The following DLG2 variants were observed in gnomAD, a reference collection of about 807,000 sequenced individuals.
DLG2 encodes the protein disks large homolog 2.
DLG2 carries 45 observed loss-of-function variants against 132.5 expected under a neutral mutation model. The observed-to-expected ratio is 0.34, with a 90% CI of 0.27 to 0.44. The LOEUF (loss-of-function observed/expected upper bound fraction) is 0.44, where lower values mean the gene tolerates loss of function less well. DLG2 is among the 20% of genes least tolerant of loss of function. DLG2 has a pLI of 1.00. For missense variants in DLG2, 1,045 were observed against 1,196.9 expected, an observed-to-expected ratio of 0.87 and a Z score of 1.87; for synonymous variants, 424 against 419.6, an observed-to-expected ratio of 1.01 and a Z score of -0.13.
chr11:85,435,212 C>T (rs1212824474), intron 3 of DLG2, among the ~76,000 whole-genome samples: 1 of 152,138 alleles, frequency 6.6e-6, no homozygotes, highest in Non-Finnish European at 1.5e-5. Flanking sequence ...CAATATCATA[C>T]TGAATGGGCA....
At chr11:85,433,792 T>C (rs2091325479) in intron 3 of DLG2, among the ~76,000 whole-genome samples, 1 of 152,180 alleles carries the variant, frequency 6.6e-6, no homozygotes, top group Non-Finnish European at 1.5e-5. Flanking sequence ...GTTCAGGACT[T>C]GAACTCAGCT....
chr11:84,728,575 G>C (rs373797296), intron 6 of DLG2, among the ~76,000 whole-genome samples: 3 of 152,144 alleles, frequency 2.0e-5, no homozygotes, highest in Non-Finnish European at 2.9e-5. Flanking sequence ...TCTCTGCCAG[G>C]TGTTGGTATC....
chr11:85,547,728 T>C (rs560357175), intron 3 of DLG2, among the ~76,000 whole-genome samples: 4 of 152,238 alleles, frequency 2.6e-5, no homozygotes, highest in Admixed American at 2.6e-4. Flanking sequence ...CTTTATTTCA[T>C]TGAGTTGATC....
At chr11:85,590,560 G>A (rs1184471169) in intron 3 of DLG2, among the ~76,000 whole-genome samples, 1 of 151,538 alleles carries the variant, frequency 6.6e-6, no homozygotes, top group Non-Finnish European at 1.5e-5. Context: ...AATTTTTTTA[G>A]ATATTACTAC....
At chr11:83,560,306 T>C (rs1169785420) in intron 19 of DLG2, among the ~76,000 whole-genome samples, 2 of 151,916 alleles carry the variant, frequency 1.3e-5, no homozygotes, top group South Asian at 4.2e-4. Context: ...TTAGTAGAGA[T>C]GGGGTTTCAC....
chr11:83,480,782 A>G lies in DLG2; in HGVS notation c.2293+3347T>C, dbSNP rs191659234. ...CTTGACTGAGTGTTTTCTTGACTAT[A>G]AATTCAGACGCTTCTGGTGTGTAGG... On this transcript the variant is annotated intron_variant, in intron 22 of 27. Transcript: ENST00000376104. The G allele has an allele frequency of 6.4e-5, 41 of 638,466 alleles. No homozygotes were observed. In the East Asian group the frequency reaches 1.1e-3, roughly 17 times the overall value. The allele number at this position is 638,466 out of a possible 1,614,324, so 39.6% of individuals were successfully genotyped here. A position where few individuals can be genotyped will look rare whatever the true frequency, so the allele number is the denominator to read the frequency against.
At chr11:83,912,060 C>G (rs2076161252) in intron 15 of DLG2, among the ~76,000 whole-genome samples, 1 of 151,854 alleles carries the variant, frequency 6.6e-6, no homozygotes, top group South Asian at 2.1e-4. Context: ...CACTTATATA[C>G]TCTCACTTGC....
At chr11:84,244,688 A>C (rs908249805) in intron 8 of DLG2, among the ~76,000 whole-genome samples, 1 of 152,260 alleles carries the variant, frequency 6.6e-6, no homozygotes, top group African/African-American at 2.4e-5. Context: ...TTGGAACTGC[A>C]TTCCCAATAG....
chr11:85,473,468 A>G (rs113062376), intron 3 of DLG2, among the ~76,000 whole-genome samples: 4 of 152,264 alleles, frequency 2.6e-5, no homozygotes, highest in Admixed American at 6.5e-5. Flanking sequence ...TATGTTTAAA[A>G]GAACTATATT....
chr11:84,194,179 C>CT (rs2096468072), intron 8 of DLG2, among the ~76,000 whole-genome samples: 1 of 152,190 alleles, frequency 6.6e-6, no homozygotes, highest in East Asian at 1.9e-4. Flanking sequence ...TATCCTTTCT[C>CT]TTTTCCCTTC....
At chr11:85,401,956 C>T (rs1286991876) in intron 3 of DLG2, among the ~76,000 whole-genome samples, 2 of 148,784 alleles carry the variant, frequency 1.3e-5, no homozygotes, top group Non-Finnish European at 3.0e-5. Context: ...CATCAAGCTA[C>T]CACTGACTTT....
intron 23 of DLG2, among the ~76,000 whole-genome samples, chr11:83,471,979 T>TGGA (rs59286667): frequency 0.23 from 34,199 of 151,970 alleles, 4,418 homozygotes; most frequent in East Asian, 0.3. Context: ...AAGAAACATT[T>TGGA]GGAGGAGTTT....
chr11:85,310,288 C>A (rs988377950), intron 3 of DLG2, among the ~76,000 whole-genome samples: 4 of 152,046 alleles, frequency 2.6e-5, no homozygotes, highest in Non-Finnish European at 5.9e-5. Context: ...CCTGGGTGGA[C>A]AAAATATTGG....
chr11:84,294,736 T>G (rs961329813), intron 7 of DLG2, among the ~76,000 whole-genome samples: 7 of 152,212 alleles, frequency 4.6e-5, no homozygotes, highest in Non-Finnish European at 8.8e-5. Flanking sequence ...GTTAGGTAGG[T>G]CACCAATCTG....
At chr11:85,468,976 A>T (rs1050588922) in intron 3 of DLG2, among the ~76,000 whole-genome samples, 6 of 152,126 alleles carry the variant, frequency 3.9e-5, no homozygotes, top group Non-Finnish European at 8.8e-5. Flanking sequence ...TTCTGACATA[A>T]TCTTGCAAAG....
At chr11:84,609,060 G>A (rs141431944) in intron 6 of DLG2, among the ~76,000 whole-genome samples, 42 of 152,246 alleles carry the variant, frequency 2.8e-4, no homozygotes, top group South Asian at 1.0e-3. Context: ...TTAATGCTAC[G>A]TGATGTTACT....
At chr11:83,518,432 G>T (rs185281583) in intron 21 of DLG2, among the ~76,000 whole-genome samples, 1 of 152,300 alleles carries the variant, frequency 6.6e-6, no homozygotes, top group Non-Finnish European at 1.5e-5. Context: ...CCCTTTTCTT[G>T]GCTGGGAAAG....
intron 11 of DLG2, among the ~76,000 whole-genome samples, chr11:83,989,143 G>A (rs890707356): frequency 2.6e-5 from 4 of 152,060 alleles, no homozygotes; most frequent in African/African-American, 9.7e-5. Context: ...ATGAGCAAGG[G>A]GCAGAAACAG....
rs1019819019 is a variant in DLG2, at chr11:85,103,840, C to A, written c.357+7821G>T. 3.3e-5 allele frequency among the ~76,000 whole-genome samples: 5 copies of A among 151,766 alleles called. No homozygotes were observed. In the East Asian group the frequency reaches 9.7e-4, roughly 29 times the overall value. ...CACATATCTGATAAGGGACTAATAT[C>A]CAGAACATGTAAAGAACTCTTACAA... On this transcript the variant is annotated intron_variant, in intron 6 of 27. Coordinates refer to ENST00000376104, the MANE Select transcript of DLG2 (RefSeq NM_001142699.3).
Sources: allele counts gnomAD v4.1 joint callset (sites outside exome capture counted in the v4.1 genomes callset), GRCh38; gene constraint gnomAD v4.1.1; transcripts MANE v1.5; gene names NCBI Gene and HGNC (gene_info 2026-07-23, HGNC 2026-07-21).